Variants in TTC28 observed in about 807,000 individuals in gnomAD.
TTC28 encodes the protein tetratricopeptide repeat domain 28.
TTC28 carries 61 observed loss-of-function variants against 198.0 expected under a neutral mutation model. That is an observed-to-expected ratio of 0.31 (90% CI 0.25 to 0.38). The LOEUF (loss-of-function observed/expected upper bound fraction) is 0.38. TTC28 is among the 10% of genes least tolerant of loss of function. The pLI is 1.00. For synonymous variants in TTC28, 1,171 were observed against 1,297.8 expected (o/e 0.90, Z 2.10); for missense variants, 2,678 against 3,164.0 (o/e 0.85, Z 3.69).
chr22:28,361,422 A>C (rs2046157515), intron 2 of TTC28, among the ~76,000 whole-genome samples: 1 of 152,156 alleles, frequency 6.6e-6, no homozygotes, highest in African/African-American at 2.4e-5. Flanking sequence ...CATTCCCTTA[A>C]GCCAAAGTCT....
At chr22:28,418,354 C>T (rs2047196812) in intron 2 of TTC28, among the ~76,000 whole-genome samples, 1 of 152,208 alleles carries the variant, frequency 6.6e-6, no homozygotes. Flanking sequence ...CTGCTTAGAA[C>T]TTCAAAATAC....
At chr22:28,135,363 T>G (rs1191573304) in intron 6 of TTC28, among the ~76,000 whole-genome samples, 1 of 152,238 alleles carries the variant, frequency 6.6e-6, no homozygotes, top group Non-Finnish European at 1.5e-5. Flanking sequence ...CAATAACTTA[T>G]TAAATCCATT....
chr22:28,498,342 C>G (rs1366783031), intron 2 of TTC28, among the ~76,000 whole-genome samples: 1 of 152,036 alleles, frequency 6.6e-6, no homozygotes, highest in Admixed American at 6.6e-5. Flanking sequence ...TTTTCTTTGT[C>G]CTTACACAGG....
chr22:28,413,270 C>T (rs1000305059), intron 2 of TTC28, among the ~76,000 whole-genome samples: 1 of 151,840 alleles, frequency 6.6e-6, no homozygotes. Flanking sequence ...CCCGTCTCTA[C>T]TAAAAATACA....
intron 5 of TTC28, among the ~76,000 whole-genome samples, chr22:28,228,331 T>C (rs134176): frequency 0.53 from 80,219 of 152,002 alleles, 21,411 homozygotes; most frequent in Admixed American, 0.61. Context: ...TTAATGGCAC[T>C]GAACTGTGTA....
intron 6 of TTC28, among the ~76,000 whole-genome samples, chr22:28,117,611 C>T (rs927247144): frequency 2.0e-5 from 3 of 152,064 alleles, no homozygotes; most frequent in African/African-American, 7.2e-5. Flanking sequence ...TATCATGGTG[C>T]CCTCGAGTTA....
rs185203558 is a variant in TTC28, at chr22:28,263,261, G to A, written c.933+32937C>T. On this transcript the variant is annotated intron_variant, in intron 5 of 22. Coordinates refer to ENST00000397906, the MANE Select transcript of TTC28 (RefSeq NM_001145418.2). The stretch of plus-strand genomic sequence containing the variant: ...TACATTCATTTAATCTCTTTAACAG[G>A]CCTCTGAAATATGTTTTAATCCTCA... Among the ~76,000 whole-genome samples the A allele has an allele frequency of 1.6e-4, 24 of 152,096 alleles. 1 individual carries two copies. The East Asian group carries it at 3.5e-3, about 22-fold the overall frequency.
chr22:28,398,461 G>C (rs934621420), intron 2 of TTC28, among the ~76,000 whole-genome samples: 6 of 152,178 alleles, frequency 3.9e-5, no homozygotes, highest in Admixed American at 2.0e-4. Flanking sequence ...AGGGATGAAA[G>C]ATGTGAATCT....
intron 5 of TTC28, among the ~76,000 whole-genome samples, chr22:28,192,010 G>C (rs181514781): frequency 6.6e-6 from 1 of 152,092 alleles, no homozygotes; most frequent in African/African-American, 2.4e-5. Flanking sequence ...GTCCCTGACC[G>C]CCGAGTAGCC....
At chr22:28,074,815 T>A (rs550852141) in intron 12 of TTC28, among the ~76,000 whole-genome samples, 1 of 152,308 alleles carries the variant, frequency 6.6e-6, no homozygotes, top group South Asian at 2.1e-4. Context: ...AAAAAGGTCA[T>A]GAGGCCAGGC....
At chr22:28,282,884 A>T (rs1038491604) in intron 5 of TTC28, among the ~76,000 whole-genome samples, 7 of 152,250 alleles carry the variant, frequency 4.6e-5, no homozygotes, top group Non-Finnish European at 1.0e-4. Flanking sequence ...AATGATTTGC[A>T]AACATTATCA....
chr22:28,659,755 C>CTT (rs1015589989), intron 1 of TTC28, among the ~76,000 whole-genome samples: 5 of 151,876 alleles, frequency 3.3e-5, no homozygotes, highest in African/African-American at 1.2e-4. Context: ...GGGCCAGACA[C>CTT]TGTCTCTAAA....
At chr22:28,421,117 C>T (rs975299780) in intron 2 of TTC28, among the ~76,000 whole-genome samples, 2 of 152,184 alleles carry the variant, frequency 1.3e-5, no homozygotes, top group African/African-American at 4.8e-5. Flanking sequence ...TGATAACTAA[C>T]ATGGACCCAA....
Position 28,163,263 on chromosome 22 carries a change from C to T in TTC28, c.1270G>A (p.Ala424Thr). The change falls in exon 6 of 23, where the codon GCA (alanine) becomes ACA (threonine). Residue 424 changes from alanine to threonine, a missense_variant. Coordinates refer to ENST00000397906, the MANE Select transcript of TTC28 (RefSeq NM_001145418.2). Reference sequence around the variant, plus strand: ...ATAGCCTTCTCCATCAACTCCTGTGCCAGCTCCAGGACATAGTTATGGTAA... The same window carrying T: ...ATAGCCTTCTCCATCAACTCCTGTGTCAGCTCCAGGACATAGTTATGGTAA... ...MSYHNYVLEL[A>T]QELMEKAIEM... is the part of the protein sequence containing the mutation. The T allele has an allele frequency of 1.9e-6, 3 of 1,551,856 alleles. No individual in the cohort carries two copies. The highest frequency in any genetic ancestry group is 2.6e-6 in the Non-Finnish European group (3 of 1,147,026).
At chr22:28,560,055 T>G (rs771575685) in intron 2 of TTC28, among the ~76,000 whole-genome samples, 11 of 152,170 alleles carry the variant, frequency 7.2e-5, no homozygotes, top group Non-Finnish European at 1.6e-4. Context: ...AAAAAAGAAT[T>G]TCTCCTTCAT....
chr22:28,522,763 C>A (rs553820533), intron 2 of TTC28, among the ~76,000 whole-genome samples: 9 of 151,780 alleles, frequency 5.9e-5, no homozygotes, highest in Admixed American at 1.3e-4. Flanking sequence ...GTAAAAAAAA[C>A]CAGGTACAAA....
intron 2 of TTC28, among the ~76,000 whole-genome samples, chr22:28,522,422 A>G (rs2048925826): frequency 6.7e-6 from 1 of 150,234 alleles, no homozygotes; most frequent in Admixed American, 6.7e-5. Flanking sequence ...CAGGAGGTGG[A>G]GGTTGCAGTG....
At chr22:28,307,407 T>C (rs2045167728) in intron 2 of TTC28, among the ~76,000 whole-genome samples, 1 of 152,180 alleles carries the variant, frequency 6.6e-6, no homozygotes, top group African/African-American at 2.4e-5. Context: ...TTTGTTTTCT[T>C]TTCTCTTTCT....
chr22:28,042,611 T>C (rs1939694211), intron 12 of TTC28, among the ~76,000 whole-genome samples: 1 of 151,856 alleles, frequency 6.6e-6, no homozygotes, highest in Non-Finnish European at 1.5e-5. Context: ...GGGAGAGCAT[T>C]AGGAGAAATA....
Sources: gnomAD v4.1 joint callset for allele counts (sites outside exome capture counted in the v4.1 genomes callset) on GRCh38, gnomAD v4.1.1 for gene constraint, MANE v1.5 for transcripts, NCBI Gene and HGNC (gene_info 2026-07-23, HGNC 2026-07-21) for gene names.